Variants in DPP10 observed in about 807,000 individuals in gnomAD.
DPP10 encodes the protein dipeptidyl peptidase like 10.
A neutral mutation model predicts 120.9 loss-of-function variants in DPP10; 33 were observed. That is an observed-to-expected ratio of 0.27 (90% CI 0.21 to 0.37). The LOEUF (loss-of-function observed/expected upper bound fraction) is 0.37, where lower values mean the gene tolerates loss of function less well. Among genes scored for constraint, DPP10 ranks in the 10% least tolerant of loss-of-function variants. The pLI, the probability that DPP10 is intolerant of heterozygous loss-of-function variation, is 1.00. For missense variants in DPP10, 816 were observed against 942.8 expected, an observed-to-expected ratio of 0.87 and a Z score of 1.76; for synonymous variants, 337 against 326.1, an observed-to-expected ratio of 1.03 and a Z score of -0.36.
At chr2:115,495,785 T>G (rs1326554357) in intron 3 of DPP10, among the ~76,000 whole-genome samples, 1 of 152,150 alleles carries the variant, frequency 6.6e-6, no homozygotes, top group Non-Finnish European at 1.5e-5. Flanking sequence ...GCCATACATT[T>G]TCATTTTAGG....
chr2:114,674,557 A>T (rs954875982), intron 1 of DPP10, among the ~76,000 whole-genome samples: 1 of 152,202 alleles, frequency 6.6e-6, no homozygotes, highest in African/African-American at 2.4e-5. Context: ...ATATTATAAG[A>T]TATGTCTGTG....
At chr2:115,693,467 T>G (rs1239409539) in intron 7 of DPP10, among the ~76,000 whole-genome samples, 2 of 152,172 alleles carry the variant, frequency 1.3e-5, no homozygotes, top group Non-Finnish European at 1.5e-5. Flanking sequence ...CTCCACCTTT[T>G]GTACAAAATA....
In DPP10 at chr2:114,485,262, G is replaced by A. The variant is rs375415615; in HGVS notation, c.60+42424G>A. ...CAGTTCATGAATCAGGACAGCTGCC[G>A]TTCTACAAAATAGAATGAGAGCTCC... On this transcript the variant is annotated intron_variant, in intron 1 of 25. Transcript: ENST00000410059. 3.5e-3 allele frequency among the ~76,000 whole-genome samples: 534 copies of A among 152,188 alleles called. 4 individuals are homozygous for A. Among genetic ancestry groups the A allele is most frequent in the African/African-American group, 0.012 (510 of 41,544 alleles).
intron 19 of DPP10, among the ~76,000 whole-genome samples, chr2:115,811,283 C>G (rs868778910): frequency 6.6e-5 from 10 of 152,174 alleles, no homozygotes; most frequent in African/African-American, 2.4e-4. Context: ...ATTGATACCA[C>G]TTCGTGATCT....
chr2:115,782,950 G>A (rs1682946639), intron 17 of DPP10, among the ~76,000 whole-genome samples: 1 of 152,058 alleles, frequency 6.6e-6, no homozygotes, highest in Non-Finnish European at 1.5e-5. Flanking sequence ...AGGGTACACT[G>A]AAAGAGTGTT....
Position 115,095,053 on chromosome 2 carries a change from C to T in DPP10, c.61-214186C>T, listed in dbSNP as rs546346460. 1.8e-3 allele frequency among the ~76,000 whole-genome samples: 271 copies of T among 152,236 alleles called. 1 individual carries two copies. The highest frequency in any genetic ancestry group is 3.0e-3 in the Non-Finnish European group (201 of 68,006). ...GTTCCCGTAGTTGACCTAAATAATT[C>T]TGTAGATTTGGTCCTCCATGATGCA... On this transcript the variant is annotated intron_variant, in intron 1 of 25. Transcript: ENST00000410059.
chr2:115,836,637 G>C (rs1466028689), intron 23 of DPP10, 37 bp from the exon 24 acceptor site: 3 of 1,609,792 alleles, frequency 1.9e-6, no homozygotes, highest in Non-Finnish European at 1.7e-6. Flanking sequence ...GGCTTATTTA[G>C]ATCTATAGAT....
chr2:114,865,511 G>C (rs943746126), intron 1 of DPP10, among the ~76,000 whole-genome samples: 4 of 152,172 alleles, frequency 2.6e-5, no homozygotes, highest in African/African-American at 4.8e-5. Flanking sequence ...TATGGGAAAG[G>C]CATTCTTAAT....
At chr2:115,249,381 G>T (rs956880265) in intron 1 of DPP10, among the ~76,000 whole-genome samples, 1 of 152,056 alleles carries the variant, frequency 6.6e-6, no homozygotes, top group Admixed American at 6.6e-5. Flanking sequence ...AGAAAATATG[G>T]TGCCTTCCAA....
At chr2:115,298,523 T>C (rs57725264) in intron 1 of DPP10, among the ~76,000 whole-genome samples, 13,568 of 152,028 alleles carry the variant, frequency 0.089, 721 homozygotes, top group African/African-American at 0.13. Context: ...TCTGGAGAGC[T>C]TGGTACAACA....
intron 1 of DPP10, among the ~76,000 whole-genome samples, chr2:115,300,088 A>G (rs574187429): frequency 6.6e-6 from 1 of 152,098 alleles, no homozygotes; most frequent in Admixed American, 6.6e-5. Context: ...TGCTGTTTTT[A>G]TATGTTTTTA....
chr2:115,594,754 A>G (rs1168371308), intron 5 of DPP10, among the ~76,000 whole-genome samples: 1 of 152,178 alleles, frequency 6.6e-6, no homozygotes, highest in Non-Finnish European at 1.5e-5. Context: ...ACAACTGTGG[A>G]TGACAAAAGT....
At chr2:115,785,839 G>GTTT (rs35035219) in intron 17 of DPP10, among the ~76,000 whole-genome samples, 2 of 143,816 alleles carry the variant, frequency 1.4e-5, no homozygotes, top group East Asian at 2.0e-4. Context: ...TCTGATGTGG[G>GTTT]TTTTTTTTTT....
chr2:114,657,828 T>A (rs1297730474), intron 1 of DPP10, among the ~76,000 whole-genome samples: 3 of 152,188 alleles, frequency 2.0e-5, no homozygotes, highest in Non-Finnish European at 4.4e-5. Flanking sequence ...TTTATTTGCC[T>A]GTAAATACTC....
chr2:115,173,789 T>G (rs1296428136), intron 1 of DPP10, among the ~76,000 whole-genome samples: 4 of 152,180 alleles, frequency 2.6e-5, no homozygotes, highest in African/African-American at 9.7e-5. Context: ...AAGATGTACA[T>G]ATATTCTGAA....
intron 1 of DPP10, among the ~76,000 whole-genome samples, chr2:114,820,296 G>C (rs774805794): frequency 6.6e-6 from 1 of 152,062 alleles, no homozygotes; most frequent in Non-Finnish European, 1.5e-5. Flanking sequence ...AAGAGGCAGA[G>C]GCAATAATAA....
intron 3 of DPP10, among the ~76,000 whole-genome samples, chr2:115,407,805 C>T (rs1221482877): frequency 2.6e-5 from 4 of 152,034 alleles, no homozygotes; most frequent in Middle Eastern, 3.4e-3. Flanking sequence ...ATGCATATGA[C>T]GGGAGCGTCC....
At chr2:115,195,049 T>C (rs2055163625) in intron 1 of DPP10, among the ~76,000 whole-genome samples, 1 of 152,182 alleles carries the variant, frequency 6.6e-6, no homozygotes, top group Admixed American at 6.5e-5. Flanking sequence ...ATTTTGGACA[T>C]TCAGTGTGCG....
At chr2:115,280,621 G>A (rs1007174083) in intron 1 of DPP10, among the ~76,000 whole-genome samples, 5 of 152,190 alleles carry the variant, frequency 3.3e-5, no homozygotes, top group African/African-American at 9.6e-5. Context: ...TTTCACACAT[G>A]TTGAGAAATT....
Sources: allele counts gnomAD v4.1 joint callset (sites outside exome capture counted in the v4.1 genomes callset), GRCh38; gene constraint gnomAD v4.1.1; transcripts MANE v1.5; gene names NCBI Gene and HGNC (gene_info 2026-07-23, HGNC 2026-07-21).